Variants in LRP1B observed in about 807,000 individuals in gnomAD.
The protein encoded by LRP1B is low-density lipoprotein receptor-related protein 1B.
A neutral mutation model predicts 556.6 loss-of-function variants in LRP1B; 217 were observed. That is an observed-to-expected ratio of 0.39 (90% CI 0.35 to 0.44). The LOEUF (loss-of-function observed/expected upper bound fraction) is 0.44. Among genes scored for constraint, LRP1B ranks in the 20% least tolerant of loss-of-function variants. The pLI, the probability that LRP1B is intolerant of heterozygous loss-of-function variation, is 1.00. For synonymous variants in LRP1B, 2,047 were observed against 1,865.8 expected, an observed-to-expected ratio of 1.10 and a Z score of -2.50; for missense variants, 5,053 against 5,620.8, an observed-to-expected ratio of 0.90 and a Z score of 3.23.
intron 6 of LRP1B, among the ~76,000 whole-genome samples, chr2:141,220,248 G>A (rs1199955037): frequency 6.6e-6 from 1 of 152,160 alleles, no homozygotes; most frequent in Non-Finnish European, 1.5e-5. Flanking sequence ...TGAAGGAGCT[G>A]AAAACACAAC....
At chr2:141,708,879 G>A (rs1318894961) in intron 2 of LRP1B, among the ~76,000 whole-genome samples, 5 of 152,120 alleles carry the variant, frequency 3.3e-5, no homozygotes, top group Non-Finnish European at 7.4e-5. Context: ...GCCAAGGAGA[G>A]AGGCCTCAGA....
At chr2:142,005,316 A>T (rs1252132662) in intron 1 of LRP1B, among the ~76,000 whole-genome samples, 4 of 152,086 alleles carry the variant, frequency 2.6e-5, no homozygotes, top group African/African-American at 9.7e-5. Flanking sequence ...AGCCCTTGGA[A>T]AACTGACACT....
At chr2:140,752,995 G>A (rs954705960) in intron 35 of LRP1B, among the ~76,000 whole-genome samples, 3 of 152,122 alleles carry the variant, frequency 2.0e-5, no homozygotes, top group African/African-American at 7.2e-5. Flanking sequence ...AAACAGAGTA[G>A]TTTCACTGCC....
intron 41 of LRP1B, among the ~76,000 whole-genome samples, chr2:140,686,968 T>A (rs890157121): frequency 1.2e-4 from 19 of 152,020 alleles, no homozygotes; most frequent in Non-Finnish European, 2.8e-4. Context: ...AAATGAAGTA[T>A]GTTGTGAGAA....
chr2:141,354,089 C>T (rs1289398383), intron 3 of LRP1B, among the ~76,000 whole-genome samples: 1 of 151,890 alleles, frequency 6.6e-6, no homozygotes, highest in African/African-American at 2.4e-5. Flanking sequence ...GACTGAGGAT[C>T]AAAAACCTAC....
At chr2:140,667,681 C>G (rs906579720) in intron 41 of LRP1B, among the ~76,000 whole-genome samples, 4 of 152,106 alleles carry the variant, frequency 2.6e-5, no homozygotes, top group African/African-American at 9.7e-5. Context: ...TATTTTTATT[C>G]TTTTTAGCAC....
intron 77 of LRP1B, among the ~76,000 whole-genome samples, chr2:140,337,722 A>G (rs1360968815): frequency 6.6e-6 from 1 of 151,728 alleles, no homozygotes; most frequent in Non-Finnish European, 1.5e-5. Context: ...AAAAGTATCT[A>G]TTTTCTGTTT....
chr2:141,415,941 A>G (rs75372391), intron 3 of LRP1B, among the ~76,000 whole-genome samples: 6,304 of 152,314 alleles, frequency 0.041, 188 homozygotes, highest in Non-Finnish European at 0.059. Flanking sequence ...GGGAAGATTG[A>G]GAACTCCTTA....
chr2:140,336,540 C>T (rs1343740909), intron 77 of LRP1B, among the ~76,000 whole-genome samples: 2 of 151,898 alleles, frequency 1.3e-5, no homozygotes, highest in Non-Finnish European at 1.5e-5. Flanking sequence ...ATCTTTTCAG[C>T]AATGTGAGAA....
In LRP1B at chr2:140,297,726, A is replaced by C. The variant is rs1022635089; in HGVS notation, c.12967+82T>G. Reference sequence around the variant, plus strand: ...GAAAAATAGAGGATGGCTAAAATTAAGATAATGGAAGGAGTGGATACAGGA... The same window carrying C: ...GAAAAATAGAGGATGGCTAAAATTACGATAATGGAAGGAGTGGATACAGGA... On this transcript the variant is annotated intron_variant, in intron 84 of 90. Coordinates refer to ENST00000389484, the MANE Select transcript of LRP1B (RefSeq NM_018557.3). 1.7e-5 allele frequency: 24 copies of C among 1,429,274 alleles called. No homozygotes were observed. In the Admixed American group the frequency reaches 5.0e-4, roughly 30 times the overall value. 88.5% of individuals were successfully genotyped at this position (1,429,274 alleles called of 1,614,324 possible).
chr2:141,942,347 C>T (rs11884412), intron 1 of LRP1B, among the ~76,000 whole-genome samples: 11,886 of 151,860 alleles, frequency 0.078, 1,553 homozygotes, highest in African/African-American at 0.27. Context: ...CAGTTTGAAG[C>T]CAACCTTTTT....
chr2:140,877,955 T>A (rs1693360525), intron 25 of LRP1B, among the ~76,000 whole-genome samples: 1 of 152,190 alleles, frequency 6.6e-6, no homozygotes, highest in Non-Finnish European at 1.5e-5. Flanking sequence ...CACAGACAGC[T>A]TTAGTTCTAT....
chr2:141,936,049 A>C (rs902119468), intron 1 of LRP1B, among the ~76,000 whole-genome samples: 15 of 152,226 alleles, frequency 9.9e-5, no homozygotes, highest in Non-Finnish European at 2.1e-4. Flanking sequence ...ACTGTAGCAA[A>C]AAAAGGAGTG....
chr2:140,290,502 A>G (rs908363357), intron 84 of LRP1B, among the ~76,000 whole-genome samples: 52 of 152,096 alleles, frequency 3.4e-4, no homozygotes, highest in African/African-American at 1.2e-3. Flanking sequence ...AATGTTGTAA[A>G]GAATCTTAAA....
chr2:141,659,992 A>C (rs1485309122), intron 2 of LRP1B, among the ~76,000 whole-genome samples: 1 of 152,186 alleles, frequency 6.6e-6, no homozygotes. Flanking sequence ...AGGGATTGAC[A>C]AAGGAGAAAA....
chr2:140,593,800 G>T (rs1183085899), intron 43 of LRP1B, among the ~76,000 whole-genome samples: 1 of 151,982 alleles, frequency 6.6e-6, no homozygotes, highest in Non-Finnish European at 1.5e-5. Context: ...AAATAAAAAT[G>T]TATTTAAAAA....
chr2:141,880,563 G>A (rs1698923572), intron 1 of LRP1B, among the ~76,000 whole-genome samples: 1 of 151,886 alleles, frequency 6.6e-6, no homozygotes, highest in Non-Finnish European at 1.5e-5. Flanking sequence ...TTAGACAATA[G>A]TGAAATGATT....
chr2:141,275,480 G>T (rs1043763175), intron 3 of LRP1B, among the ~76,000 whole-genome samples: 1 of 152,102 alleles, frequency 6.6e-6, no homozygotes, highest in Non-Finnish European at 1.5e-5. Context: ...CGGCCAAGGC[G>T]AGTGAATTGC....
At chr2:141,858,519 G>A (rs1311868359) in intron 1 of LRP1B, among the ~76,000 whole-genome samples, 1 of 152,150 alleles carries the variant, frequency 6.6e-6, no homozygotes, top group African/African-American at 2.4e-5. Context: ...GGATGAAAAT[G>A]TACAAAGAGA....
Sources: allele counts gnomAD v4.1 joint callset (sites outside exome capture counted in the v4.1 genomes callset), GRCh38; gene constraint gnomAD v4.1.1; transcripts MANE v1.5; gene names NCBI Gene and HGNC (gene_info 2026-07-23, HGNC 2026-07-21).